The following CNTN5 variants were observed in gnomAD, a reference collection of about 807,000 sequenced individuals.
CNTN5 encodes contactin 5.
In CNTN5, 77 loss-of-function variants were observed where a neutral mutation model predicts 129.1. The ratio of observed to expected loss-of-function variants is 0.60; its 90% CI spans 0.50 to 0.72. CNTN5 has a LOEUF of 0.72. CNTN5 is among the 30% of genes least tolerant of loss of function. The probability of loss-of-function intolerance (pLI) is 0.00; values close to 1 mark genes in which losing one functional copy is unlikely to be tolerated. For missense variants in CNTN5, 1,478 were observed against 1,328.8 expected, an observed-to-expected ratio of 1.11 and a Z score of -1.75; for synonymous variants, 509 against 465.6, an observed-to-expected ratio of 1.09 and a Z score of -1.20.
intron 1 of CNTN5, among the ~76,000 whole-genome samples, chr11:99,151,811 C>G (rs546710001): frequency 8.6e-5 from 13 of 151,964 alleles, no homozygotes; most frequent in African/African-American, 2.4e-5. Flanking sequence ...AAACAGAAAA[C>G]CAAACACTGC....
chr11:99,087,376 C>G (rs1350525562), intron 1 of CNTN5, among the ~76,000 whole-genome samples: 1 of 152,058 alleles, frequency 6.6e-6, no homozygotes, highest in Non-Finnish European at 1.5e-5. Context: ...TATGGTTCTT[C>G]CTTGGGCCAT....
intron 3 of CNTN5, among the ~76,000 whole-genome samples, chr11:99,734,501 A>G (rs550453513): frequency 1.4e-3 from 209 of 152,302 alleles, no homozygotes; most frequent in African/African-American, 4.9e-3. Context: ...GTCATTTGTC[A>G]TAAGTGACTC....
chr11:99,808,776 G>C lies in CNTN5; in HGVS notation c.56-10768G>C, dbSNP rs547369539. The stretch of plus-strand genomic sequence containing the variant: ...CCTCTACTGCCAAGCACTTTTTCTT[G>C]GTATCAGCTGCTTCTTACTAGATGC... On this transcript the variant is annotated intron_variant, in intron 3 of 24. Coordinates refer to ENST00000524871, the MANE Select transcript of CNTN5 (RefSeq NM_014361.4). Among the ~76,000 whole-genome samples the C allele has an allele frequency of 2.0e-5, 3 of 152,062 alleles. No homozygotes were observed. The East Asian group carries it at 5.8e-4, about 29-fold the overall frequency.
chr11:99,846,466 A>T (rs544276927), intron 6 of CNTN5, among the ~76,000 whole-genome samples: 17 of 152,094 alleles, frequency 1.1e-4, no homozygotes, highest in African/African-American at 4.1e-4. Context: ...AATAAATTAA[A>T]AATAGGCTAA....
chr11:100,328,003 C>T lies in CNTN5; in HGVS notation c.2731-12460C>T, dbSNP rs1951824868. 2.0e-5 allele frequency among the ~76,000 whole-genome samples: 3 copies of T among 151,936 alleles called. No homozygotes were observed. The South Asian group carries it at 6.2e-4, about 32-fold the overall frequency. ...TTGAGTTAGCAGTGATCACTGAGTA[C>T]AATTAAAGGTATAGAAGTAACAGAA... On this transcript the variant is annotated intron_variant, in intron 21 of 24. Transcript: ENST00000524871.
At chr11:100,019,097 G>A (rs1940984943) in intron 9 of CNTN5, among the ~76,000 whole-genome samples, 2 of 151,802 alleles carry the variant, frequency 1.3e-5, no homozygotes, top group South Asian at 4.1e-4. Flanking sequence ...CTCTGGGACT[G>A]TCTTTTTATT....
intron 18 of CNTN5, among the ~76,000 whole-genome samples, chr11:100,289,646 C>A (rs1950904523): frequency 6.6e-6 from 1 of 151,786 alleles, no homozygotes; most frequent in Non-Finnish European, 1.5e-5. Context: ...AACCCACAGC[C>A]AATATCATAC....
At chr11:99,203,806 C>CAAG (rs1859339657) in intron 1 of CNTN5, among the ~76,000 whole-genome samples, 1 of 152,044 alleles carries the variant, frequency 6.6e-6, no homozygotes, top group Non-Finnish European at 1.5e-5. Context: ...CCATGTTGGC[C>CAAG]ACACTAGTCT....
intron 6 of CNTN5, among the ~76,000 whole-genome samples, chr11:99,898,868 A>G (rs1949278308): frequency 6.6e-6 from 1 of 151,882 alleles, no homozygotes; most frequent in Non-Finnish European, 1.5e-5. Flanking sequence ...TTCTCATTTC[A>G]CCTATTCTAC....
At chr11:99,102,177 T>C (rs116659553) in intron 1 of CNTN5, among the ~76,000 whole-genome samples, 7,682 of 152,106 alleles carry the variant, frequency 0.051, 221 homozygotes, top group Middle Eastern at 0.065. Flanking sequence ...AGGCACCAAG[T>C]ACCTAGACTG....
At chr11:99,690,039 A>G (rs896855088) in intron 3 of CNTN5, among the ~76,000 whole-genome samples, 1 of 152,038 alleles carries the variant, frequency 6.6e-6, no homozygotes, top group Admixed American at 6.6e-5. Flanking sequence ...CCTAGTTTTC[A>G]TCTAGGGTTT....
intron 2 of CNTN5, among the ~76,000 whole-genome samples, chr11:99,395,974 T>G (rs10444343): frequency 0.23 from 34,193 of 151,770 alleles, 3,903 homozygotes; most frequent in South Asian, 0.33. Context: ...AGTCAGGTAG[T>G]GTGGTGCCTC....
intron 3 of CNTN5, among the ~76,000 whole-genome samples, chr11:99,580,306 C>G (rs1472609461): frequency 6.6e-6 from 1 of 151,966 alleles, no homozygotes; most frequent in East Asian, 1.9e-4. Flanking sequence ...TTTGTTGTGT[C>G]TCTGCTCGGC....
intron 2 of CNTN5, among the ~76,000 whole-genome samples, chr11:99,442,695 T>C (rs923570355): frequency 6.6e-6 from 1 of 152,242 alleles, no homozygotes; most frequent in Non-Finnish European, 1.5e-5. Flanking sequence ...TTTCTTGAAT[T>C]TGTAAAATCC....
intron 13 of CNTN5, among the ~76,000 whole-genome samples, chr11:100,077,460 T>C: frequency 6.6e-6 from 1 of 152,064 alleles, no homozygotes; most frequent in East Asian, 1.9e-4. Context: ...CAAATGGCAG[T>C]TTCTGTATAA....
At chr11:99,230,553 A>T (rs1860938762) in intron 1 of CNTN5, among the ~76,000 whole-genome samples, 2 of 152,178 alleles carry the variant, frequency 1.3e-5, no homozygotes, top group Admixed American at 6.5e-5. Flanking sequence ...GACCATACAT[A>T]AAAGGTTTTG....
chr11:99,973,098 T>C lies in CNTN5; in HGVS notation c.877+16089T>C, dbSNP rs571725321. On this transcript the variant is annotated intron_variant, in intron 8 of 24. Transcript: ENST00000524871. ...TAACAAAATCGTGTTGGAGGGAATC[T>C]CACTAAAAATACAGATTCCTGGTTC... 9.5e-4 allele frequency among the ~76,000 whole-genome samples: 144 copies of C among 152,212 alleles called. 1 individual carries two copies. Among genetic ancestry groups the C allele is most frequent in the Non-Finnish European group, 1.7e-3 (114 of 68,012 alleles).
At chr11:99,656,313 T>C (rs1425327538) in intron 3 of CNTN5, among the ~76,000 whole-genome samples, 2 of 152,150 alleles carry the variant, frequency 1.3e-5, no homozygotes, top group African/African-American at 4.8e-5. Context: ...ACCTTCTTAA[T>C]TTCAAAGAGA....
chr11:100,144,669 A>G (rs1159662895), intron 13 of CNTN5, among the ~76,000 whole-genome samples: 1 of 152,006 alleles, frequency 6.6e-6, no homozygotes, highest in Non-Finnish European at 1.5e-5. Flanking sequence ...CACAAAATAT[A>G]ATTGGGAAAT....
Sources: allele counts gnomAD v4.1 joint callset (sites outside exome capture counted in the v4.1 genomes callset), GRCh38; gene constraint gnomAD v4.1.1; transcripts MANE v1.5; gene names NCBI Gene and HGNC (gene_info 2026-07-23, HGNC 2026-07-21).